Variants in BAG3 observed in about 807,000 individuals in gnomAD.
BAG3 encodes the protein BAG family molecular chaperone regulator 3.
BAG3 carries 14 observed loss-of-function variants against 40.5 expected under a neutral mutation model. That is an observed-to-expected ratio of 0.35 (90% CI 0.23 to 0.54). The LOEUF (loss-of-function observed/expected upper bound fraction) is 0.54. Ranked by LOEUF, BAG3 falls within the 20% of genes least tolerant of loss-of-function variation. The pLI, the probability that BAG3 is intolerant of heterozygous loss-of-function variation, is 0.91. For missense variants in BAG3, 788 were observed against 758.6 expected, an observed-to-expected ratio of 1.04 and a Z score of -0.46; for synonymous variants, 302 against 307.8, an observed-to-expected ratio of 0.98 and a Z score of 0.20.
chr10:119,657,527 G>C (rs1251795085), intron 1 of BAG3: 1 of 471,054 alleles, frequency 2.1e-6, no homozygotes, highest in Non-Finnish European at 4.4e-6. Context: ...CCTGCCCAGA[G>C]CGCGAAGGCA....
At chr10:119,665,136 A>ATTT (rs1430985995) in intron 1 of BAG3, among the ~76,000 whole-genome samples, 3,045 of 72,840 alleles carry the variant, frequency 0.042, 125 homozygotes, top group Middle Eastern at 0.07. Context: ...GTATATATAT[A>ATTT]TATATATATT....
At chr10:119,665,419 C>T (rs566287508) in intron 1 of BAG3, among the ~76,000 whole-genome samples, 3 of 151,890 alleles carry the variant, frequency 2.0e-5, no homozygotes, top group East Asian at 3.9e-4. Flanking sequence ...GGATTACAGG[C>T]GTGAGCCACC....
chr10:119,651,399 G>C lies in BAG3; in HGVS notation c.-277G>C, dbSNP rs1846835547. ...AGCTCCGCATCCAACCCCGGGCCGC[G>C]GCCAACTTCTCTGGACTGGACCAGA... On this transcript the variant is annotated 5_prime_UTR_variant, in exon 1 of 4. Coordinates refer to ENST00000369085, the MANE Select transcript of BAG3 (RefSeq NM_004281.4). The C allele has an allele frequency of 6.0e-6, 2 of 332,696 alleles. No individual in the cohort carries two copies. Among genetic ancestry groups the C allele is most frequent in the African/African-American group, 4.3e-5 (2 of 46,354 alleles). 20.6% of individuals were successfully genotyped at this position (332,696 alleles called of 1,614,324 possible). A position where few individuals can be genotyped will look rare whatever the true frequency, so the allele number is the denominator to read the frequency against.
rs765426544 is a variant in BAG3, at chr10:119,676,902, A to G, written c.1348A>G (p.Lys450Glu). ...DNFEGKKTDK[K>E]YLMIEEYLTK... Reference sequence around the variant, plus strand: ...CTTTGAAGGCAAGAAGACTGACAAAAAGTACCTGATGATCGAAGAGTATTT... The same window carrying G: ...CTTTGAAGGCAAGAAGACTGACAAAGAGTACCTGATGATCGAAGAGTATTT... Residue 450 changes from lysine to glutamate, a missense_variant, in exon 4 of 4, where the codon AAG (lysine) becomes GAG (glutamate). By Grantham distance (56) the Lys-to-Glu change is moderately conservative. Transcript: ENST00000369085. 5 of 1,614,062 alleles carry G rather than the reference A, an allele frequency of 3.1e-6. No individual in the cohort carries two copies. In the Admixed American group the frequency reaches 5.0e-5, roughly 16 times the overall value.
In BAG3 at chr10:119,676,826, A is replaced by G; in HGVS notation, c.1272A>G (p.Lys424=). Residue 424 remains lysine, a synonymous_variant, in exon 4 of 4, where the codon AAA becomes AAG. Coordinates refer to ENST00000369085, the MANE Select transcript of BAG3 (RefSeq NM_004281.4). The stretch of plus-strand genomic sequence containing the variant: ...CCCCAAAACATCCAGGAGTGCTGAA[A>G]GTGGAAGCCATCCTGGAGAAGGTAC... ...EAPPKHPGVL[K]VEAILEKVQG... 1 of 1,614,158 alleles carries G rather than the reference A, an allele frequency of 6.2e-7. No individual in the cohort carries two copies. Among genetic ancestry groups the G allele is most frequent in the Non-Finnish European group, 8.5e-7 (1 of 1,180,002 alleles).
Position 119,672,859 on chromosome 10 carries a change from G to A in BAG3, c.909+203G>A, listed in dbSNP as rs196328. Among the ~76,000 whole-genome samples the A allele has an allele frequency of 0.54, 82,466 of 152,018 alleles. 23,377 individuals carry two copies. The highest frequency in any genetic ancestry group is 0.64 in the Non-Finnish European group (43,480 of 67,962). ...GGCTGTGAACCCTCCGCACTCTGCAGCTTTTGCTGGGCTGATCATTGTGCA... is the reference window on the plus strand; with the variant it reads ...GGCTGTGAACCCTCCGCACTCTGCAACTTTTGCTGGGCTGATCATTGTGCA... On this transcript the variant is annotated intron_variant, in intron 3 of 3. Coordinates refer to ENST00000369085, the MANE Select transcript of BAG3 (RefSeq NM_004281.4). This position sits in a 1 kb window ranked among gnomAD's most constrained non-coding sequence, Gnocchi z 4.8.
intron 1 of BAG3, among the ~76,000 whole-genome samples, chr10:119,657,971 G>A (rs1481030486): frequency 6.6e-6 from 1 of 152,236 alleles, no homozygotes; most frequent in Non-Finnish European, 1.5e-5. Flanking sequence ...TGCCAGCTCT[G>A]TGCGTCAGGA....
rs748893116 is a variant in BAG3 at position 119,672,344 on chromosome 10, C to T, written c.597C>T (p.His199=). The T allele has an allele frequency of 1.2e-6, 2 of 1,613,968 alleles. No homozygotes were observed. The highest frequency in any genetic ancestry group is 1.1e-5 in the South Asian group (1 of 91,086). Residue 199 remains histidine, a synonymous_variant, in exon 3 of 4, where the codon CAC becomes CAT. Coordinates refer to ENST00000369085, the MANE Select transcript of BAG3 (RefSeq NM_004281.4). The surrounding 1 kb of genome is among the most constrained non-coding windows in gnomAD (Gnocchi z 4.8). The part of the protein sequence containing the change: ...PSSGRSSLGS[H]QLPRGYISIP... ...CCGGCAGGAGCAGCCTGGGCAGTCA[C>T]CAGCTCCCGCGGGGGTACATCTCCA... is the stretch of plus-strand genomic sequence containing the variant.
intron 1 of BAG3, among the ~76,000 whole-genome samples, chr10:119,658,214 T>C (rs1254814856): frequency 1.3e-5 from 2 of 152,248 alleles, no homozygotes; most frequent in Admixed American, 1.3e-4. Flanking sequence ...GTTTAAAAAT[T>C]CATACAGTGG....
In BAG3 at chr10:119,676,619, C is replaced by G. The variant is rs1847238695; in HGVS notation, c.1065C>G (p.Pro355=). 1 of 1,614,138 alleles carries G rather than the reference C, an allele frequency of 6.2e-7. No homozygotes were observed. Among genetic ancestry groups the G allele is most frequent in the Non-Finnish European group, 8.5e-7 (1 of 1,180,038 alleles). Reference sequence around the variant, plus strand: ...ATTCTAAACCTGTTTCCCAGAAGCCCCCACCTCCCTCTGAGAAGGTAGAGG... The same window carrying G: ...ATTCTAAACCTGTTTCCCAGAAGCCGCCACCTCCCTCTGAGAAGGTAGAGG... ...EVDSKPVSQK[P]PPPSEKVEVK... The change falls in exon 4 of 4, where the codon CCC becomes CCG. Residue 355 remains proline, a synonymous_variant. Coordinates refer to ENST00000369085, the MANE Select transcript of BAG3 (RefSeq NM_004281.4).
At chr10:119,657,461 G>A in intron 1 of BAG3, 3 of 461,264 alleles carry the variant, frequency 6.5e-6, no homozygotes, top group Non-Finnish European at 1.4e-5. Flanking sequence ...GCCTGGCAGG[G>A]TCCACAGGCT....
rs876661342 is a variant in BAG3 at position 119,672,446 on chromosome 10, C to A, written c.699C>A (p.Tyr233Ter). The change falls in exon 3 of 4, where the codon TAC becomes TAA. Residue 233 changes from tyrosine (Y) to a stop codon, truncating the protein, a stop_gained. Transcript: ENST00000369085. LOFTEE classifies it high-confidence loss of function. The surrounding 1 kb of genome is among the most constrained non-coding windows in gnomAD (Gnocchi z 4.8). The part of the protein sequence containing the change: ...PSFHQAQKTH[Y>*]PAQQGEYQTH... ...TCCACCAAGCCCAGAAGACGCACTA[C>A]CCAGCGCAGCAGGGGGAGTACCAGA... 6.2e-7 allele frequency: 1 copy of A among 1,614,230 alleles called. No homozygotes were observed. Among genetic ancestry groups the A allele is most frequent in the Non-Finnish European group, 8.5e-7 (1 of 1,180,046 alleles).
In BAG3 at chr10:119,670,108, G is replaced by C; in HGVS notation, c.438G>C (p.Gln146His). The change falls in exon 2 of 4, where the codon CAG (glutamine) becomes CAC (histidine). Residue 146 changes from glutamine to histidine, a missense_variant. By Grantham distance (24) the Gln-to-His change is conservative. Transcript: ENST00000369085. ...TGCGGGGCATGCCAGAAACCACTCA[G>C]CCAGATAAACAGTGTGGACAGGTGG... The part of the protein sequence containing the change: ...SPLRGMPETT[Q>H]PDKQCGQVAA... 2 of 1,613,684 alleles carry C rather than the reference G, an allele frequency of 1.2e-6. No homozygotes were observed. The highest frequency in any genetic ancestry group is 1.7e-6 in the Non-Finnish European group (2 of 1,179,630).
At chr10:119,673,391 T>C (rs932939453) in intron 3 of BAG3, among the ~76,000 whole-genome samples, 1 of 152,234 alleles carries the variant, frequency 6.6e-6, no homozygotes, top group African/African-American at 2.4e-5. Context: ...GTGGTCTGGC[T>C]GAGGCATCAG....
Position 119,676,556 on chromosome 10 carries a change from T to A in BAG3, c.1002T>A (p.Pro334=). 1 of 1,613,932 alleles carries A rather than the reference T, an allele frequency of 6.2e-7. No homozygotes were observed. The highest frequency in any genetic ancestry group is 8.5e-7 in the Non-Finnish European group (1 of 1,179,998). Reference sequence around the variant, plus strand: ...GCCCAGTTGGACCAGAACTCCCTCCTGGACACATCCCAATTCAAGTGATCC... The same window carrying A: ...GCCCAGTTGGACCAGAACTCCCTCCAGGACACATCCCAATTCAAGTGATCC... The part of the protein sequence containing the change: ...KPGPVGPELP[P]GHIPIQVIRK... The change falls in exon 4 of 4, where the codon CCT becomes CCA. Residue 334 remains proline (P), a synonymous_variant. Transcript: ENST00000369085.
chr10:119,652,595 C>T (rs1316720782), intron 1 of BAG3, among the ~76,000 whole-genome samples: 1 of 152,196 alleles, frequency 6.6e-6, no homozygotes, highest in Non-Finnish European at 1.5e-5. Context: ...AGATCTGAGA[C>T]TGTCTTACAG....
chr10:119,672,644 C>T lies in BAG3; in HGVS notation c.897C>T (p.Val299=), dbSNP rs763915884. ...CGCCCATCCGTGTGCACACCGTGGT[C>T]GACAGGCCTCAGGTACGGGAAGTTA... ...SPSPIRVHTV[V]DRPQQPMTHR... Residue 299 remains valine (V), a synonymous_variant, in exon 3 of 4, where the codon GTC becomes GTT. Coordinates refer to ENST00000369085, the MANE Select transcript of BAG3 (RefSeq NM_004281.4). The surrounding 1 kb of genome is among the most constrained non-coding windows in gnomAD (Gnocchi z 4.8). 2.9e-5 allele frequency: 46 copies of T among 1,613,454 alleles called. 1 individual carries two copies. In the East Asian group the frequency reaches 6.9e-4, roughly 24 times the overall value.
chr10:119,675,761 T>TTCCTTTCCTCCTTCCC (rs1554877575), intron 3 of BAG3, among the ~76,000 whole-genome samples: 3 of 81,200 alleles, frequency 3.7e-5, no homozygotes, highest in Non-Finnish European at 7.4e-5. Context: ...CTTTCCTTCC[T>TTCCTTTCCTCCTTCCC]TCCTTCCCTC....
intron 1 of BAG3, among the ~76,000 whole-genome samples, chr10:119,661,079 G>A (rs935382482): frequency 1.3e-5 from 2 of 151,672 alleles, no homozygotes; most frequent in African/African-American, 4.8e-5. Context: ...GGCAATAAGA[G>A]TGAATCTTCG....
Sources: allele counts gnomAD v4.1 joint callset (sites outside exome capture counted in the v4.1 genomes callset), GRCh38; gene constraint gnomAD v4.1.1; non-coding constraint Gnocchi (gnomAD v3.1); transcripts MANE v1.5; gene names NCBI Gene and HGNC (gene_info 2026-07-23, HGNC 2026-07-21).